The following IKBKB variants were observed in gnomAD, a reference collection of about 807,000 sequenced individuals.
IKBKB encodes inhibitor of nuclear factor kappa B kinase subunit beta.
In IKBKB, 42 loss-of-function variants were observed where a neutral mutation model predicts 113.6. The observed-to-expected ratio is 0.37, with a 90% CI of 0.29 to 0.48. The LOEUF (loss-of-function observed/expected upper bound fraction) is 0.48. Ranked by LOEUF, IKBKB falls within the 20% of genes least tolerant of loss-of-function variation. The pLI is 0.99. For missense variants in IKBKB, 673 were observed against 939.7 expected (o/e 0.72, Z 3.71); for synonymous variants, 296 against 361.3 (o/e 0.82, Z 2.05).
intron 15 of IKBKB, chr8:42,320,516 C>G: frequency 2.0e-6 from 1 of 493,628 alleles, no homozygotes; most frequent in Non-Finnish European, 3.6e-6. Context: ...GAAACTGTAG[C>G]TGGGGGTAAG....
At chr8:42,282,311 T>TC (rs1392803734) in intron 2 of IKBKB, among the ~76,000 whole-genome samples, 2 of 152,162 alleles carry the variant, frequency 1.3e-5, no homozygotes, top group Admixed American at 1.3e-4. Flanking sequence ...CAGGAGATTC[T>TC]CCCACCTCAG....
rs776402046 is a variant in IKBKB, at chr8:42,330,967, G to C, written c.2259G>C (p.Glu753Asp). The C allele has an allele frequency of 9.3e-6, 15 of 1,614,168 alleles. No individual in the cohort carries two copies. In the South Asian group the frequency reaches 1.6e-4, roughly 18 times the overall value. Residue 753 changes from glutamate (E) to aspartate (D), a missense_variant, in exon 22 of 22, where the codon GAG becomes GAC. Glu to Asp is a conservative substitution (Grantham distance 45). Transcript: ENST00000520810. The part of the protein sequence containing the change: ...QTEEEEHSCL[E>D]QAS ...AAGAAGAAGAGCACAGCTGCCTGGA[G>C]CAGGCCTCATGATGTGGGGGGACTC...
In IKBKB at chr8:42,316,802, A is replaced by T. The variant is rs371588496; in HGVS notation, c.1023A>T (p.Gln341His). 8.7e-6 allele frequency: 14 copies of T among 1,614,018 alleles called. No individual in the cohort carries two copies. Among genetic ancestry groups the T allele is most frequent in the Non-Finnish European group, 1.2e-5 (14 of 1,180,028 alleles). The change falls in exon 11 of 22, where the codon CAA becomes CAT. Residue 341 changes from glutamine to histidine, a missense_variant. By Grantham distance (24) the Gln-to-His change is conservative (BLOSUM62 0). Around this residue, in one of 2 missense-constraint regions of IKBKB, gnomAD observed 506 missense variants for 638.7 expected, o/e 0.79. Transcript: ENST00000520810. The surrounding 1 kb of genome is among the most constrained non-coding windows in gnomAD (Gnocchi z 4.5). ...ESLQSLKARI[Q>H]QDTGIPEEDQ... ...TGCAGAGCTTGAAGGCCAGAATCCA[A>T]CAGGACACGGGCATCCCAGAGGAGG... is the stretch of plus-strand genomic sequence containing the variant.
chr8:42,300,215 T>A (rs896039974), intron 5 of IKBKB, among the ~76,000 whole-genome samples: 2 of 152,228 alleles, frequency 1.3e-5, no homozygotes, highest in African/African-American at 4.8e-5. Flanking sequence ...CAAGTCTGTT[T>A]TTTTTGGGAA....
Position 42,293,524 on chromosome 8 carries a change from T to A in IKBKB, c.388+12T>A. ...GCTGAGTGACATTGGTAAATCCCAG[T>A]CCCGGAATTCAGGCCGTGTCCTTCA... On this transcript the variant is annotated intron_variant, in intron 5 of 21. Coordinates refer to ENST00000520810, the MANE Select transcript of IKBKB (RefSeq NM_001556.3). 6.2e-7 allele frequency: 1 copy of A among 1,614,100 alleles called. No homozygotes were observed. The highest frequency in any genetic ancestry group is 8.5e-7 in the Non-Finnish European group (1 of 1,180,020).
intron 2 of IKBKB, among the ~76,000 whole-genome samples, chr8:42,281,299 G>A (rs1810327965): frequency 6.6e-6 from 1 of 152,328 alleles, no homozygotes; most frequent in South Asian, 2.1e-4. Context: ...AGGAAGTGAG[G>A]CTGCGGTCGT....
intron 19 of IKBKB, 190 bp from the exon 20 acceptor site, chr8:42,325,780 A>T: frequency 7.0e-7 from 1 of 1,428,896 alleles, no homozygotes; most frequent in Non-Finnish European, 9.1e-7. Flanking sequence ...GTCTCCGTTG[A>T]TACAGAAACA....
At position 42,281,760 on chromosome 8, in the gene IKBKB, T is replaced by A. The variant is rs142421255; in HGVS notation, c.106-6874T>A. On this transcript the variant is annotated intron_variant, in intron 2 of 21. Coordinates refer to ENST00000520810, the MANE Select transcript of IKBKB (RefSeq NM_001556.3). ...AGCATTCATTTCAGGGGGTGGGGTC[T>A]GAGAAGGAGGAGGAGGTTTTTACTA... Among the ~76,000 whole-genome samples, 128 of 152,288 alleles carry A rather than the reference T, an allele frequency of 8.4e-4. 1 individual carries two copies. Among genetic ancestry groups the A allele is most frequent in the Non-Finnish European group, 1.2e-3 (84 of 68,020 alleles).
intron 4 of IKBKB, 26 bp downstream of exon 4, chr8:42,290,299 C>CCCAG: frequency 6.7e-7 from 1 of 1,496,536 alleles, no homozygotes; most frequent in Non-Finnish European, 9.3e-7. Context: ...CTGCCAGGTG[C>CCCAG]ACAGCCTGTC....
At chr8:42,330,399 T>G (rs576723871) in intron 21 of IKBKB, 1 of 814,208 alleles carries the variant, frequency 1.2e-6, no homozygotes. Flanking sequence ...TTGCCCAGGC[T>G]GGTCTTGAAC....
At chr8:42,285,293 C>A (rs1324404200) in intron 2 of IKBKB, among the ~76,000 whole-genome samples, 2 of 152,110 alleles carry the variant, frequency 1.3e-5, no homozygotes. Flanking sequence ...GGCCTGTAAT[C>A]CCAGTGCTTA....
chr8:42,306,022 C>T (rs1816451461), intron 6 of IKBKB, among the ~76,000 whole-genome samples: 1 of 152,228 alleles, frequency 6.6e-6, no homozygotes, highest in South Asian at 2.1e-4. Context: ...AAGAGGCTGG[C>T]CCGGTCCTTC....
At chr8:42,280,780 G>C (rs1810226469) in intron 2 of IKBKB, among the ~76,000 whole-genome samples, 1 of 152,136 alleles carries the variant, frequency 6.6e-6, no homozygotes, top group South Asian at 2.1e-4. Flanking sequence ...TGTGTGTACT[G>C]GCTGTTAGAA....
At chr8:42,280,245 A>C (rs1009810962) in intron 2 of IKBKB, among the ~76,000 whole-genome samples, 5 of 152,110 alleles carry the variant, frequency 3.3e-5, no homozygotes, top group Non-Finnish European at 4.4e-5. Flanking sequence ...GGCAGTGAAC[A>C]AGCGAGCCCC....
chr8:42,303,170 CAG>C (rs539851672), intron 5 of IKBKB, among the ~76,000 whole-genome samples: 13 of 143,752 alleles, frequency 9.0e-5, no homozygotes, highest in East Asian at 4.0e-4. Flanking sequence ...GAGAGAGAAA[CAG>C]AGAGAATGAG....
Position 42,305,259 on chromosome 8 carries a change from A to G in IKBKB, c.461A>G (p.Gln154Arg), listed in dbSNP as rs1425985153. ...RDLKPENIVL[Q>R]QGEQRLIHKI... is the part of the protein sequence containing the mutation. The stretch of plus-strand genomic sequence containing the variant: ...CTAAAGCCAGAAAACATCGTCCTGC[A>G]GCAAGGAGAACAGAGGGTAAGTGAC... Residue 154 changes from glutamine to arginine, a missense_variant, in exon 6 of 22, where the codon CAG becomes CGG. Around this residue, in one of 2 missense-constraint regions of IKBKB, gnomAD observed 167 missense variants for 301.0 expected, o/e 0.55. Transcript: ENST00000520810. 3.7e-6 allele frequency: 6 copies of G among 1,612,660 alleles called. No individual in the cohort carries two copies. Among genetic ancestry groups the G allele is most frequent in the Non-Finnish European group, 5.1e-6 (6 of 1,178,740 alleles).
chr8:42,329,138 C>G lies in IKBKB; in HGVS notation c.2129C>G (p.Ala710Gly). 2.5e-6 allele frequency: 4 copies of G among 1,602,846 alleles called. No homozygotes were observed. The highest frequency in any genetic ancestry group is 3.4e-6 in the Non-Finnish European group (4 of 1,176,174). Reference sequence around the variant, plus strand: ...ATTTTCTTTAGTGAAGAACTGGTGGCTGAAGCACATAACCTCTGCACCCTG... The same window carrying G: ...ATTTTCTTTAGTGAAGAACTGGTGGGTGAAGCACATAACCTCTGCACCCTG... Reference protein sequence around the residue: ...EPAKKSEELVAEAHNLCTLLE... With the variant: ...EPAKKSEELVGEAHNLCTLLE... Residue 710 changes from alanine (A) to glycine (G), a missense_variant, in exon 21 of 22, where the codon GCT becomes GGT. Ala to Gly is a moderately conservative substitution (Grantham distance 60, BLOSUM62 0). Transcript: ENST00000520810.
intron 2 of IKBKB, 22 bp downstream of exon 2, chr8:42,272,227 G>C: frequency 6.2e-7 from 1 of 1,614,018 alleles, no homozygotes; most frequent in Non-Finnish European, 8.5e-7. Context: ...GTGCAGCTTG[G>C]GGAGGGGCGG....
At chr8:42,329,261 AT>A (rs1340003004) in intron 21 of IKBKB, 47 bp downstream of exon 21, 3 of 1,523,662 alleles carry the variant, frequency 2.0e-6, no homozygotes, top group Non-Finnish European at 2.6e-6. Context: ...CTTTCTTTCT[AT>A]GGCAAAATAG....
Sources: allele counts gnomAD v4.1 joint callset (sites outside exome capture counted in the v4.1 genomes callset), GRCh38; gene constraint gnomAD v4.1.1; regional missense constraint gnomAD v4.1.1; non-coding constraint Gnocchi (gnomAD v3.1); transcripts MANE v1.5; gene names NCBI Gene and HGNC (gene_info 2026-07-23, HGNC 2026-07-21).